Variants in CD2AP observed in about 807,000 individuals in gnomAD.
The protein encoded by CD2AP is CD2 associated protein.
A neutral mutation model predicts 85.1 loss-of-function variants in CD2AP; 46 were observed. That is an observed-to-expected ratio of 0.54 (90% CI 0.43 to 0.69). CD2AP has a LOEUF of 0.69. Among genes scored for constraint, CD2AP ranks in the 30% least tolerant of loss-of-function variants. CD2AP has a pLI of 0.00. For synonymous variants in CD2AP, 255 were observed against 252.9 expected, an observed-to-expected ratio of 1.01 and a Z score of -0.08; for missense variants, 769 against 729.5, an observed-to-expected ratio of 1.05 and a Z score of -0.62.
chr6:47,594,219 G>A (rs1039991346), intron 11 of CD2AP, among the ~76,000 whole-genome samples: 8 of 152,146 alleles, frequency 5.3e-5, no homozygotes, highest in Middle Eastern at 3.4e-3. Context: ...CATCGTGAAT[G>A]TACTAAATGG....
intron 3 of CD2AP, among the ~76,000 whole-genome samples, chr6:47,540,708 G>T (rs1456191951): frequency 6.6e-6 from 1 of 152,108 alleles, no homozygotes; most frequent in African/African-American, 2.4e-5. Context: ...TGGGGCTAAT[G>T]AGTAGTCCAT....
intron 2 of CD2AP, among the ~76,000 whole-genome samples, chr6:47,518,316 G>A (rs1249462334): frequency 6.6e-6 from 1 of 152,140 alleles, no homozygotes; most frequent in Non-Finnish European, 1.5e-5. Context: ...TATGCAGCTA[G>A]CATAACATTA....
Position 47,608,021 on chromosome 6 carries a change from C to G in CD2AP, c.1625C>G (p.Ser542Cys). 1 of 1,608,164 alleles carries G rather than the reference C, an allele frequency of 6.2e-7. No individual in the cohort carries two copies. The highest frequency in any genetic ancestry group is 8.5e-7 in the Non-Finnish European group (1 of 1,174,946). The change falls in exon 15 of 18, where the codon TCT becomes TGT. Residue 542 changes from serine (S) to cysteine (C), a missense_variant. By Grantham distance (112) the Ser-to-Cys change is moderately radical. Coordinates refer to ENST00000359314, the MANE Select transcript of CD2AP (RefSeq NM_012120.3). Reference sequence around the variant, plus strand: ...GAATTAAAAAAAGATACATGCTACTCTCCAAAGGTGAGGTGCATTGTGGTC... The same window carrying G: ...GAATTAAAAAAAGATACATGCTACTGTCCAAAGGTGAGGTGCATTGTGGTC... Reference protein sequence around the residue: ...PSELKKDTCYSPKPSVYLSTP... With the variant: ...PSELKKDTCYCPKPSVYLSTP...
intron 5 of CD2AP, among the ~76,000 whole-genome samples, chr6:47,560,333 T>C (rs1273148207): frequency 6.6e-6 from 1 of 152,172 alleles, no homozygotes; most frequent in Non-Finnish European, 1.5e-5. Context: ...ATATTGATAA[T>C]ATTGTTTATT....
At chr6:47,545,545 A>G (rs1433305620) in intron 4 of CD2AP, among the ~76,000 whole-genome samples, 2 of 152,172 alleles carry the variant, frequency 1.3e-5, no homozygotes, top group African/African-American at 2.4e-5. Context: ...GAGACCAACC[A>G]GCACAAAAAT....
At chr6:47,526,928 T>C (rs1246335822) in intron 2 of CD2AP, among the ~76,000 whole-genome samples, 1 of 152,162 alleles carries the variant, frequency 6.6e-6, no homozygotes, top group Non-Finnish European at 1.5e-5. Flanking sequence ...GTATGAAAAA[T>C]ACTTAGTGCA....
chr6:47,481,647 C>G (rs1416591657), intron 1 of CD2AP, among the ~76,000 whole-genome samples: 1 of 151,272 alleles, frequency 6.6e-6, no homozygotes, highest in South Asian at 2.1e-4. Flanking sequence ...CACCTGGCCT[C>G]GTGGTGGTTT....
At chr6:47,591,803 T>C (rs919065107) in intron 11 of CD2AP, among the ~76,000 whole-genome samples, 1 of 152,128 alleles carries the variant, frequency 6.6e-6, no homozygotes, top group Non-Finnish European at 1.5e-5. Flanking sequence ...AAAAAAATTA[T>C]ATACCTGAGA....
At chr6:47,491,934 T>TA (rs1371227874) in intron 1 of CD2AP, among the ~76,000 whole-genome samples, 2 of 152,176 alleles carry the variant, frequency 1.3e-5, no homozygotes, top group Admixed American at 6.5e-5. Flanking sequence ...ATTAAGTTCT[T>TA]AGAGTTTGCT....
intron 2 of CD2AP, among the ~76,000 whole-genome samples, chr6:47,510,012 C>CT (rs1228665745): frequency 6.6e-6 from 1 of 152,066 alleles, no homozygotes; most frequent in Non-Finnish European, 1.5e-5. Flanking sequence ...ATAAATTTTT[C>CT]TTTCCTGTTT....
At chr6:47,509,734 T>G (rs1414647721) in intron 2 of CD2AP, among the ~76,000 whole-genome samples, 1 of 152,240 alleles carries the variant, frequency 6.6e-6, no homozygotes, top group East Asian at 1.9e-4. Context: ...TGCCCTTTGC[T>G]GGCAGTGTGG....
intron 5 of CD2AP, among the ~76,000 whole-genome samples, chr6:47,572,578 G>A (rs941352396): frequency 4.6e-5 from 7 of 152,094 alleles, no homozygotes; most frequent in East Asian, 3.9e-4. Flanking sequence ...TGGTCATTTC[G>A]ATAGATGCAA....
At chr6:47,621,272 G>A (rs1286449496) in intron 17 of CD2AP, among the ~76,000 whole-genome samples, 3 of 152,106 alleles carry the variant, frequency 2.0e-5, no homozygotes, top group Non-Finnish European at 2.9e-5. Context: ...GGATGTTGTC[G>A]AATGTTTTTT....
intron 4 of CD2AP, among the ~76,000 whole-genome samples, chr6:47,552,852 C>G (rs1484487532): frequency 1.3e-5 from 2 of 152,210 alleles, no homozygotes; most frequent in African/African-American, 2.4e-5. Flanking sequence ...CTCCCCCAAA[C>G]AGCTTGTATT....
intron 17 of CD2AP, among the ~76,000 whole-genome samples, chr6:47,615,973 C>T (rs1193281268): frequency 1.3e-5 from 2 of 150,758 alleles, no homozygotes; most frequent in African/African-American, 2.4e-5. Flanking sequence ...TTAGTAGAGA[C>T]GGGGTTTCAC....
At chr6:47,485,254 C>A (rs545008547) in intron 1 of CD2AP, among the ~76,000 whole-genome samples, 4 of 152,108 alleles carry the variant, frequency 2.6e-5, no homozygotes, top group African/African-American at 9.6e-5. Flanking sequence ...GCATTGTTAT[C>A]GTAGGTGATG....
chr6:47,622,238 T>C (rs1769766363), intron 17 of CD2AP, among the ~76,000 whole-genome samples: 1 of 152,176 alleles, frequency 6.6e-6, no homozygotes, highest in Admixed American at 6.5e-5. Flanking sequence ...CGAGATGGGC[T>C]TGAAAACTTG....
intron 5 of CD2AP, among the ~76,000 whole-genome samples, chr6:47,559,063 G>A (rs1266625357): frequency 6.6e-6 from 1 of 152,126 alleles, no homozygotes; most frequent in Non-Finnish European, 1.5e-5. Flanking sequence ...GAAGGTTTAT[G>A]TGTCCAGGAA....
chr6:47,605,163 AT>A (rs1769235843), intron 13 of CD2AP, among the ~76,000 whole-genome samples: 7 of 152,064 alleles, frequency 4.6e-5, no homozygotes, highest in South Asian at 4.1e-4. Context: ...ATTAATACAG[AT>A]CTGGACGATT....
Sources: allele counts gnomAD v4.1 joint callset (sites outside exome capture counted in the v4.1 genomes callset), GRCh38; gene constraint gnomAD v4.1.1; transcripts MANE v1.5; gene names NCBI Gene and HGNC (gene_info 2026-07-23, HGNC 2026-07-21).